Variants in CFAP221 observed in about 807,000 individuals in gnomAD.
CFAP221 encodes cilia and flagella associated protein 221.
CFAP221 carries 97 observed loss-of-function variants against 113.1 expected under a neutral mutation model. The ratio of observed to expected loss-of-function variants is 0.86; its 90% CI spans 0.73 to 1.02. The LOEUF (loss-of-function observed/expected upper bound fraction) is 1.02. CFAP221 is among the 50% of genes least tolerant of loss of function. CFAP221 has a pLI of 0.00. For missense variants in CFAP221, 1,025 were observed against 1,013.4 expected, an observed-to-expected ratio of 1.01 and a Z score of -0.16; for synonymous variants, 331 against 354.4, an observed-to-expected ratio of 0.93 and a Z score of 0.74.
chr2:119,650,045 G>A (rs1688035067), intron 22 of CFAP221, among the ~76,000 whole-genome samples: 1 of 152,150 alleles, frequency 6.6e-6, no homozygotes, highest in African/African-American at 2.4e-5. Context: ...GATCAGACTA[G>A]GATCACTGCC....
At chr2:119,646,847 G>A in intron 21 of CFAP221, 111 bp from the exon 22 acceptor site, 2 of 905,552 alleles carry the variant, frequency 2.2e-6, no homozygotes, top group Non-Finnish European at 1.7e-6. Flanking sequence ...GGAGGACAGA[G>A]TAGTAGAGGC....
intron 6 of CFAP221, among the ~76,000 whole-genome samples, chr2:119,574,532 T>G (rs538531475): frequency 1.3e-4 from 20 of 152,274 alleles, no homozygotes; most frequent in Non-Finnish European, 2.8e-4. Context: ...TGTGGATGGT[T>G]TTTGGCCCTG....
At position 119,546,411 on chromosome 2, in the gene CFAP221, G is replaced by A. The variant is rs1680055824; in HGVS notation, c.139+141G>A. On this transcript the variant is annotated intron_variant, in intron 2 of 23. Transcript: ENST00000413369. ...ATACTAATTTTTATTACTAAGAACAGTAGTTCTATTTAGATCCATCTGCTT... is the reference window on the plus strand; with the variant it reads ...ATACTAATTTTTATTACTAAGAACAATAGTTCTATTTAGATCCATCTGCTT... 6.9e-6 allele frequency: 7 copies of A among 1,016,180 alleles called. No individual in the cohort carries two copies. The South Asian group carries it at 1.3e-4, about 19-fold the overall frequency. 62.9% of individuals were successfully genotyped at this position (1,016,180 alleles called of 1,614,324 possible). A position where few individuals can be genotyped will look rare whatever the true frequency, so the allele number is the denominator to read the frequency against.
chr2:119,568,060 G>A (rs1476434489), intron 6 of CFAP221, among the ~76,000 whole-genome samples: 5 of 151,984 alleles, frequency 3.3e-5, no homozygotes, highest in Admixed American at 2.0e-4. Flanking sequence ...AGTACCTTAA[G>A]ATAGCAAAAT....
At chr2:119,554,514 G>T (rs543338006) in intron 3 of CFAP221, among the ~76,000 whole-genome samples, 6 of 152,244 alleles carry the variant, frequency 3.9e-5, no homozygotes, top group African/African-American at 1.2e-4. Flanking sequence ...AGCCTAAAAA[G>T]TCTTACCTTA....
downstream of CFAP221, among the ~76,000 whole-genome samples, chr2:119,658,000 A>G (rs1212063963): frequency 1.3e-5 from 2 of 152,186 alleles, no homozygotes; most frequent in Non-Finnish European, 2.9e-5. Flanking sequence ...TGGGACATTA[A>G]TATAATCATG....
chr2:119,611,895 G>T (rs538551436), intron 13 of CFAP221, among the ~76,000 whole-genome samples, 153 bp downstream of exon 13: 87 of 152,228 alleles, frequency 5.7e-4, no homozygotes, highest in South Asian at 1.5e-3. Flanking sequence ...CCATGTTTTT[G>T]CAAGTAAAGC....
At chr2:119,577,368 T>G (rs1283163877) in intron 6 of CFAP221, among the ~76,000 whole-genome samples, 1 of 152,212 alleles carries the variant, frequency 6.6e-6, no homozygotes, top group Non-Finnish European at 1.5e-5. Flanking sequence ...GATGTTATAG[T>G]CCTTTTTTGA....
intron 22 of CFAP221, among the ~76,000 whole-genome samples, chr2:119,649,611 G>C (rs1688006115): frequency 6.6e-6 from 1 of 152,178 alleles, no homozygotes; most frequent in African/African-American, 2.4e-5. Flanking sequence ...AAGCTGCCCA[G>C]CATTGATGCA....
At chr2:119,601,615 A>G (rs1684372113) in intron 8 of CFAP221, 1 of 420,092 alleles carries the variant, frequency 2.4e-6, no homozygotes, top group South Asian at 6.4e-5. Flanking sequence ...TTTGAAGGAC[A>G]TGTTTTTTCA....
chr2:119,577,514 T>G (rs545985790), intron 6 of CFAP221, among the ~76,000 whole-genome samples: 1 of 152,262 alleles, frequency 6.6e-6, no homozygotes, highest in East Asian at 1.9e-4. Flanking sequence ...TCTGTAATAT[T>G]AGAGACCTAC....
At chr2:119,563,753 G>T (rs926791379) in intron 6 of CFAP221, among the ~76,000 whole-genome samples, 1 of 152,198 alleles carries the variant, frequency 6.6e-6, no homozygotes, top group Non-Finnish European at 1.5e-5. Context: ...GGAGGCCTCA[G>T]AGTCTAATGG....
intron 23 of CFAP221, 53 bp from the exon 24 acceptor site, chr2:119,656,309 C>T (rs530299981): frequency 2.6e-5 from 37 of 1,444,208 alleles, no homozygotes; most frequent in East Asian, 2.5e-4. Flanking sequence ...GGGTGATTTG[C>T]GTGGTTTTAT....
chr2:119,601,807 C>T (rs906346792), intron 8 of CFAP221, among the ~76,000 whole-genome samples: 2 of 152,114 alleles, frequency 1.3e-5, no homozygotes, highest in South Asian at 2.1e-4. Flanking sequence ...GGAAATGGCC[C>T]ACAACCTCAA....
In CFAP221 at chr2:119,546,302, G is replaced by C. The variant is rs1232008965; in HGVS notation, c.139+32G>C. On this transcript the variant is annotated intron_variant, in intron 2 of 23. Transcript: ENST00000413369. ...GGCTAGAAGACAGATTTGCTTTACA[G>C]CTCACATCTTCCCAGGCGAGCCAAA... The C allele has an allele frequency of 9.2e-6, 14 of 1,527,298 alleles. No homozygotes were observed. The African/African-American group carries it at 1.9e-4, about 21-fold the overall frequency. 94.6% of individuals were successfully genotyped at this position (1,527,298 alleles called of 1,614,324 possible).
intron 19 of CFAP221, among the ~76,000 whole-genome samples, chr2:119,636,053 T>C (rs906683199): frequency 3.9e-5 from 6 of 152,220 alleles, no homozygotes; most frequent in African/African-American, 9.6e-5. Flanking sequence ...TCTAAAAATA[T>C]AATCCATTTG....
At chr2:119,636,586 A>G (rs1687127841) in intron 19 of CFAP221, among the ~76,000 whole-genome samples, 1 of 152,180 alleles carries the variant, frequency 6.6e-6, no homozygotes. Flanking sequence ...GAGGTTGACA[A>G]TCAAGAAGTG....
intron 7 of CFAP221, among the ~76,000 whole-genome samples, chr2:119,593,074 TC>T (rs1683704414): frequency 6.6e-6 from 1 of 152,254 alleles, no homozygotes; most frequent in Non-Finnish European, 1.5e-5. Context: ...TGCTTTGTTC[TC>T]TTCCTCAGGA....
At chr2:119,592,143 G>C in intron 7 of CFAP221, among the ~76,000 whole-genome samples, 1 of 152,226 alleles carries the variant, frequency 6.6e-6, no homozygotes, top group African/African-American at 2.4e-5. Flanking sequence ...AGAGGAGAAA[G>C]AGGGAGGCTG....
Sources: allele counts gnomAD v4.1 joint callset (sites outside exome capture counted in the v4.1 genomes callset), GRCh38; gene constraint gnomAD v4.1.1; transcripts MANE v1.5; gene names NCBI Gene and HGNC (gene_info 2026-07-23, HGNC 2026-07-21).